The following CAST variants were observed in gnomAD, a reference collection of about 807,000 sequenced individuals.
The protein encoded by CAST is MIR583 host.
Under a neutral mutation model 119.6 loss-of-function variants are expected in CAST, and 76 were observed. That is an observed-to-expected ratio of 0.64 (90% CI 0.53 to 0.77). The LOEUF (loss-of-function observed/expected upper bound fraction) is 0.77. Among genes scored for constraint, CAST ranks in the 30% least tolerant of loss-of-function variants. The probability of loss-of-function intolerance (pLI) is 0.00; values close to 1 mark genes in which losing one functional copy is unlikely to be tolerated. For synonymous variants in CAST, 319 were observed against 331.6 expected, an observed-to-expected ratio of 0.96 and a Z score of 0.41; for missense variants, 953 against 946.5, an observed-to-expected ratio of 1.01 and a Z score of -0.09.
chr5:96,256,994 T>C, the CAST span, among the ~76,000 whole-genome samples: 1 of 152,068 alleles, frequency 6.6e-6, no homozygotes, highest in Non-Finnish European at 1.5e-5. Context: ...TCTTTTCCCT[T>C]GTGCATTCAT....
chr5:96,353,198 T>C, the CAST span, among the ~76,000 whole-genome samples: 642 of 152,312 alleles, frequency 4.2e-3, 6 homozygotes, highest in Non-Finnish European at 6.6e-3. Context: ...TCATTACCTA[T>C]AAAAGCAGGT....
At chr5:96,291,452 A>G in the CAST span, among the ~76,000 whole-genome samples, 16 of 152,340 alleles carry the variant, frequency 1.1e-4, no homozygotes, top group East Asian at 2.9e-3. Context: ...ACAAGATGAC[A>G]GTTCATCTTT....
At chr5:96,674,361 C>G (rs920098612) in intron 1 of CAST, among the ~76,000 whole-genome samples, 1 of 151,130 alleles carries the variant, frequency 6.6e-6, no homozygotes, top group Non-Finnish European at 1.5e-5. Context: ...GATAATTTCA[C>G]TGACCTATAT....
chr5:96,426,034 T>C, the CAST span: 1 of 725,100 alleles, frequency 1.4e-6, no homozygotes, highest in Non-Finnish European at 2.5e-6. Context: ...CAGGCAGCTC[T>C]GCAATATTTT....
At chr5:96,532,143 T>C (rs1745700159) in intron 1 of CAST, among the ~76,000 whole-genome samples, 1 of 151,968 alleles carries the variant, frequency 6.6e-6, no homozygotes, top group Non-Finnish European at 1.5e-5. Flanking sequence ...TTCCAAGTGT[T>C]CCAACAACTG....
At chr5:96,302,306 G>C in the CAST span, among the ~76,000 whole-genome samples, 1 of 152,098 alleles carries the variant, frequency 6.6e-6, no homozygotes, top group East Asian at 1.9e-4. Flanking sequence ...TTCCCTCCTA[G>C]ACTTCCAGGT....
chr5:96,112,755 G>A, the CAST span, among the ~76,000 whole-genome samples: 3 of 152,152 alleles, frequency 2.0e-5, 1 homozygote, highest in South Asian at 6.2e-4. Flanking sequence ...GCTATGATGA[G>A]CTGAAATGTG....
At chr5:96,551,450 G>A (rs1287338350) in intron 1 of CAST, among the ~76,000 whole-genome samples, 1 of 152,152 alleles carries the variant, frequency 6.6e-6, no homozygotes, top group African/African-American at 2.4e-5. Flanking sequence ...ACTGGTACCA[G>A]CCACTGCAAA....
chr5:96,153,896 A>G, the CAST span, among the ~76,000 whole-genome samples: 2 of 152,240 alleles, frequency 1.3e-5, no homozygotes, highest in African/African-American at 2.4e-5. Context: ...TTCGAAATAT[A>G]TGCGTAAGGC....
the CAST span, among the ~76,000 whole-genome samples, chr5:96,512,830 A>G: frequency 6.6e-6 from 1 of 152,248 alleles, no homozygotes; most frequent in African/African-American, 2.4e-5. Context: ...AAGAGGAAGT[A>G]AATCTCCTGT....
the CAST span, among the ~76,000 whole-genome samples, chr5:96,168,987 G>T: frequency 5.9e-5 from 9 of 152,132 alleles, no homozygotes; most frequent in Non-Finnish European, 7.3e-5. Flanking sequence ...CAGACATGAG[G>T]GCTAGGCTAA....
chr5:96,266,794 A>G, the CAST span, among the ~76,000 whole-genome samples: 628 of 152,344 alleles, frequency 4.1e-3, 10 homozygotes, highest in African/African-American at 0.014. Context: ...AACAGCAAAT[A>G]GAGCCATGAC....
chr5:96,485,459 A>C, the CAST span, among the ~76,000 whole-genome samples: 1 of 152,222 alleles, frequency 6.6e-6, no homozygotes, highest in Admixed American at 6.5e-5. Context: ...TTTGGTTAAA[A>C]TTAAAAAGTA....
the CAST span, among the ~76,000 whole-genome samples, chr5:96,170,880 G>A: frequency 7.2e-5 from 11 of 152,210 alleles, no homozygotes; most frequent in African/African-American, 2.7e-4. Context: ...GACTGGGTGT[G>A]AGGAGGAGAG....
the CAST span, among the ~76,000 whole-genome samples, chr5:96,502,794 T>G: frequency 1.1e-4 from 16 of 152,132 alleles, no homozygotes; most frequent in Non-Finnish European, 1.9e-4. Flanking sequence ...ACTATGGAAA[T>G]TTTTGCCAGA....
chr5:96,060,025 T>C, the CAST span, among the ~76,000 whole-genome samples: 1 of 152,126 alleles, frequency 6.6e-6, no homozygotes, highest in Non-Finnish European at 1.5e-5. Context: ...CTCCACCAAG[T>C]AATAGCACAA....
the CAST span, among the ~76,000 whole-genome samples, chr5:96,199,797 A>G: frequency 6.6e-6 from 1 of 152,162 alleles, no homozygotes; most frequent in African/African-American, 2.4e-5. Context: ...CACCTACAGC[A>G]GACCAACCTT....
At chr5:96,198,650 A>G in the CAST span, among the ~76,000 whole-genome samples, 5 of 152,150 alleles carry the variant, frequency 3.3e-5, no homozygotes, top group African/African-American at 7.2e-5. Context: ...CTAAGTATGT[A>G]TGAAATTATA....
chr5:96,664,689 T>C (rs971728790), intron 1 of CAST, among the ~76,000 whole-genome samples: 2 of 152,244 alleles, frequency 1.3e-5, no homozygotes, highest in African/African-American at 4.8e-5. Context: ...TACATAAGTA[T>C]TGGTGAGGAC....
Sources: gnomAD v4.1 joint callset for allele counts (sites outside exome capture counted in the v4.1 genomes callset) on GRCh38, gnomAD v4.1.1 for gene constraint, MANE v1.5 for transcripts, NCBI Gene and HGNC (gene_info 2026-07-23, HGNC 2026-07-21) for gene names.